The following KIAA1958 variants were observed in gnomAD, a reference collection of about 807,000 sequenced individuals.
KIAA1958 encodes KIAA1958.
In KIAA1958, 14 loss-of-function variants were observed where a neutral mutation model predicts 47.2. That is an observed-to-expected ratio of 0.30 (90% confidence interval 0.20 to 0.46). The LOEUF is 0.46. Among genes scored for constraint, KIAA1958 ranks in the 20% least tolerant of loss-of-function variants. KIAA1958 has a pLI of 1.00. For missense variants in KIAA1958, 803 were observed against 909.2 expected, an observed-to-expected ratio of 0.88 and a Z score of 1.50; for synonymous variants, 354 against 353.3, an observed-to-expected ratio of 1.00 and a Z score of -0.02.
intron 2 of KIAA1958, among the ~76,000 whole-genome samples, chr9:112,617,147 C>CAT (rs1311488990): frequency 6.6e-6 from 1 of 152,228 alleles, no homozygotes; most frequent in Non-Finnish European, 1.5e-5. Context: ...ATCCTGGAGA[C>CAT]ATACCCCCTT....
intron 1 of KIAA1958, among the ~76,000 whole-genome samples, chr9:112,526,439 AGATG>A (rs1834653718): frequency 6.6e-6 from 1 of 151,434 alleles, no homozygotes; most frequent in African/African-American, 2.4e-5. Flanking sequence ...TTTTTAGTGG[AGATG>A]GGGCTTTGGC....
In KIAA1958 at chr9:112,510,119, A is replaced by AGGGAG. The variant is rs768577135; in HGVS notation, c.-25+23001_-25+23002insGGGAG. Among the ~76,000 whole-genome samples, 467 of 152,330 alleles carry AGGGAG rather than the reference A, an allele frequency of 3.1e-3. 5 individuals carry two copies. Among genetic ancestry groups the AGGGAG allele is most frequent in the Middle Eastern group, 0.014 (4 of 294 alleles). On this transcript the variant is annotated intron_variant, in intron 1 of 3. Coordinates refer to ENST00000337530, the MANE Select transcript of KIAA1958 (RefSeq NM_133465.4). ...AGTTGGAGACCTTGTAAGATCAGTT[A>AGGGAG]TAAGTAAGGTAAGGGAGAAAGGAAA...
chr9:112,563,027 G>GTC lies in KIAA1958; in HGVS notation c.-24-11016_-24-11015dup, dbSNP rs10567261. Among the ~76,000 whole-genome samples, 579 of 139,176 alleles carry GTC rather than the reference G, an allele frequency of 4.2e-3. 3 individuals are homozygous for GTC. Among genetic ancestry groups the GTC allele is most frequent in the African/African-American group, 0.014 (527 of 37,252 alleles). The allele number at this position is 139,176 out of a possible 152,430, so 91.3% of individuals were successfully genotyped here. A position where few individuals can be genotyped will look rare whatever the true frequency, so the allele number is the denominator to read the frequency against. ...TAATTCCCTTTCATCTTAACTTTCTGTCTCTCTCTCTCTCTTTCTCTCTCT... is the reference window on the plus strand; with the variant it reads ...TAATTCCCTTTCATCTTAACTTTCTGTCTCTCTCTCTCTCTCTTTCTCTCTCT... On this transcript the variant is annotated intron_variant, in intron 1 of 3. Coordinates refer to ENST00000337530, the MANE Select transcript of KIAA1958 (RefSeq NM_133465.4).
chr9:112,601,831 G>A (rs1280053074), intron 2 of KIAA1958, among the ~76,000 whole-genome samples: 3 of 152,160 alleles, frequency 2.0e-5, no homozygotes, highest in Non-Finnish European at 2.9e-5. Flanking sequence ...AGAGAAATGA[G>A]CAGATGACTA....
intron 2 of KIAA1958, among the ~76,000 whole-genome samples, chr9:112,634,451 G>C (rs970687063): frequency 9.2e-5 from 14 of 152,062 alleles, no homozygotes; most frequent in African/African-American, 3.4e-4. Flanking sequence ...GGCTGGTCTT[G>C]AACTCCTGAC....
intron 1 of KIAA1958, among the ~76,000 whole-genome samples, chr9:112,541,560 T>C (rs1834944365): frequency 6.6e-6 from 1 of 152,012 alleles, no homozygotes; most frequent in Non-Finnish European, 1.5e-5. Flanking sequence ...TCCCAGCACT[T>C]TGGGAGGCTG....
chr9:112,660,256 A>G lies in KIAA1958; in HGVS notation c.*187A>G. Reference sequence around the variant, plus strand: ...TTAAAATGAAACTAGATGAGTCTAAATCATTCGGATGGTTTATCCAAATGT... The same window carrying G: ...TTAAAATGAAACTAGATGAGTCTAAGTCATTCGGATGGTTTATCCAAATGT... On this transcript the variant is annotated 3_prime_UTR_variant, in exon 4 of 4. Transcript: ENST00000337530. 1.7e-6 allele frequency: 1 copy of G among 593,372 alleles called. No individual in the cohort carries two copies. The highest frequency in any genetic ancestry group is 3.0e-6 in the Non-Finnish European group (1 of 333,070). 36.8% of individuals were successfully genotyped at this position (593,372 alleles called of 1,614,324 possible).
rs926731856 is a variant in KIAA1958 at position 112,664,063 on chromosome 9, C to T, written c.*3994C>T. ...TGCCATCAGTGGGATGGATCGTCTT[C>T]ACGGTGAACCGTGTTACACTTCTGC... On this transcript the variant is annotated 3_prime_UTR_variant, in exon 4 of 4. Transcript: ENST00000337530. 16 of 152,248 alleles carry T rather than the reference C, an allele frequency of 1.1e-4. No homozygotes were observed. Among genetic ancestry groups the T allele is most frequent in the Middle Eastern group, 3.2e-3 (1 of 316 alleles). The allele number at this position is 152,248 out of a possible 1,614,324, so 9.4% of individuals were successfully genotyped here. A position where few individuals can be genotyped will look rare whatever the true frequency, so the allele number is the denominator to read the frequency against.
chr9:112,512,821 G>C (rs1834344532), intron 1 of KIAA1958, among the ~76,000 whole-genome samples: 1 of 151,460 alleles, frequency 6.6e-6, no homozygotes, highest in African/African-American at 2.4e-5. Context: ...GAGCAGTCAG[G>C]GATAGGTGTT....
chr9:112,653,452 G>A (rs1837094714), intron 3 of KIAA1958, among the ~76,000 whole-genome samples: 1 of 152,110 alleles, frequency 6.6e-6, no homozygotes, highest in South Asian at 2.1e-4. Flanking sequence ...GTTTTGTACT[G>A]AGCTCAGCTG....
chr9:112,516,161 GATGAAATTCA>G (rs1225852817), intron 1 of KIAA1958, among the ~76,000 whole-genome samples: 1 of 151,992 alleles, frequency 6.6e-6, no homozygotes, highest in East Asian at 1.9e-4. Context: ...AAGGTTGCAG[GATGAAATTCA>G]ATTCATAGAA....
chr9:112,575,987 G>A (rs1420304403), intron 2 of KIAA1958, among the ~76,000 whole-genome samples: 2 of 152,138 alleles, frequency 1.3e-5, no homozygotes, highest in African/African-American at 4.8e-5. Flanking sequence ...TTGGCTTCAT[G>A]ACTCAATTCT....
At chr9:112,658,913 G>A (rs1391298846) in intron 3 of KIAA1958, among the ~76,000 whole-genome samples, 2 of 150,986 alleles carry the variant, frequency 1.3e-5, no homozygotes, top group Non-Finnish European at 2.9e-5. Flanking sequence ...CCAGCTACTC[G>A]GAAGGCTGAG....
At chr9:112,581,946 C>G (rs1835743637) in intron 2 of KIAA1958, 1 of 243,048 alleles carries the variant, frequency 4.1e-6, no homozygotes. Flanking sequence ...TTCAGCCCAC[C>G]TCTTGTTGCC....
chr9:112,491,545 G>C (rs201982821), intron 1 of KIAA1958, among the ~76,000 whole-genome samples: 8 of 150,422 alleles, frequency 5.3e-5, no homozygotes, highest in Admixed American at 5.3e-4. Context: ...ATTATTAGCT[G>C]GTTTTTTTTT....
intron 1 of KIAA1958, among the ~76,000 whole-genome samples, chr9:112,572,677 G>A (rs193238669): frequency 1.3e-5 from 2 of 152,292 alleles, no homozygotes; most frequent in Admixed American, 1.3e-4. Context: ...GAGAAGGGCA[G>A]CATATCAAGC....
chr9:112,560,459 A>G (rs939258969), intron 1 of KIAA1958, among the ~76,000 whole-genome samples: 4 of 151,984 alleles, frequency 2.6e-5, no homozygotes, highest in Admixed American at 6.6e-5. Flanking sequence ...CAAAGTGCTG[A>G]GATGACAGGC....
intron 1 of KIAA1958, among the ~76,000 whole-genome samples, chr9:112,543,999 G>A (rs2132827241): frequency 6.6e-6 from 1 of 151,968 alleles, no homozygotes. Context: ...TATTTGTATT[G>A]CTATTTTGCC....
Position 112,568,541 on chromosome 9 carries a change from A to G in KIAA1958, c.-24-5516A>G, listed in dbSNP as rs111308403. Among the ~76,000 whole-genome samples the G allele has an allele frequency of 5.2e-3, 798 of 152,218 alleles. 10 individuals are homozygous for G. Among genetic ancestry groups the G allele is most frequent in the African/African-American group, 0.018 (758 of 41,524 alleles). On this transcript the variant is annotated intron_variant, in intron 1 of 3. Coordinates refer to ENST00000337530, the MANE Select transcript of KIAA1958 (RefSeq NM_133465.4). Reference sequence around the variant, plus strand: ...AAGTCTTCCCGATGTTTATACCTCCAGTTTTGGAAATGATAAGATGAAATA... The same window carrying G: ...AAGTCTTCCCGATGTTTATACCTCCGGTTTTGGAAATGATAAGATGAAATA...
Sources: allele counts gnomAD v4.1 joint callset (sites outside exome capture counted in the v4.1 genomes callset), GRCh38; gene constraint gnomAD v4.1.1; transcripts MANE v1.5; gene names NCBI Gene and HGNC (gene_info 2026-07-23, HGNC 2026-07-21).